Variants in ARID1A observed in about 807,000 individuals in gnomAD.
The protein encoded by ARID1A is AT-rich interactive domain-containing protein 1A.
In ARID1A, 20 loss-of-function variants were observed where a neutral mutation model predicts 212.6. The ratio of observed to expected loss-of-function variants is 0.09; its 90% CI spans 0.07 to 0.14. ARID1A has a LOEUF of 0.14. Ranked by LOEUF, ARID1A falls within the 10% of genes least tolerant of loss-of-function variation. The pLI is 1.00. For synonymous variants in ARID1A, 1,376 were observed against 1,222.1 expected (o/e 1.13, Z -2.63); for missense variants, 2,587 against 3,059.0 (o/e 0.85, Z 3.64).
intron 1 of ARID1A, among the ~76,000 whole-genome samples, chr1:26,703,623 G>A (rs2080359771): frequency 6.6e-6 from 1 of 152,172 alleles, no homozygotes; most frequent in South Asian, 2.1e-4. Flanking sequence ...AACTTGGATT[G>A]GCACTGACAT....
At chr1:26,720,559 A>G (rs1017222499) in intron 1 of ARID1A, among the ~76,000 whole-genome samples, 3 of 151,994 alleles carry the variant, frequency 2.0e-5, no homozygotes, top group Non-Finnish European at 2.9e-5. Context: ...CCCAGACTGG[A>G]TACGAGACTC....
Position 26,780,945 on chromosome 1 carries a change from C to G in ARID1A, c.*189C>G. On this transcript the variant is annotated 3_prime_UTR_variant, in exon 20 of 20. Coordinates refer to ENST00000324856, the MANE Select transcript of ARID1A (RefSeq NM_006015.6). This position sits in a 1 kb window ranked among gnomAD's most constrained non-coding sequence, Gnocchi z 7.2. Reference sequence around the variant, plus strand: ...TCCACCTCCCCTCCCTCCATCACCTCACGCCTTTCTGTTCCTTGTCCTCAC... The same window carrying G: ...TCCACCTCCCCTCCCTCCATCACCTGACGCCTTTCTGTTCCTTGTCCTCAC... 1.3e-6 allele frequency: 1 copy of G among 774,376 alleles called. No individual in the cohort carries two copies. Among genetic ancestry groups the G allele is most frequent in the East Asian group, 2.8e-5 (1 of 36,190 alleles). The allele number at this position is 774,376 out of a possible 1,614,324, so 48.0% of individuals were successfully genotyped here.
At chr1:26,737,611 A>C (rs1305408018) in intron 4 of ARID1A, among the ~76,000 whole-genome samples, 2 of 152,102 alleles carry the variant, frequency 1.3e-5, no homozygotes, top group Admixed American at 1.3e-4. Flanking sequence ...CACGCTTGTA[A>C]TCCCGGCACT....
intron 4 of ARID1A, among the ~76,000 whole-genome samples, chr1:26,749,869 T>C (rs944203615): frequency 6.6e-6 from 1 of 152,190 alleles, no homozygotes; most frequent in African/African-American, 2.4e-5. Flanking sequence ...AGCCCCTCCC[T>C]TGTGGAGGTC....
chr1:26,774,047 C>A lies in ARID1A; in HGVS notation c.4101+149C>A. On this transcript the variant is annotated intron_variant, in intron 17 of 19. Coordinates refer to ENST00000324856, the MANE Select transcript of ARID1A (RefSeq NM_006015.6). The surrounding 1 kb of genome is among the most constrained non-coding windows in gnomAD (Gnocchi z 5.6). ...TGACTGGCCAGTCCTGCCTGAAGAG[C>A]CACGTCCTCAATCTCTTCTCTATTT... 2 of 1,114,854 alleles carry A rather than the reference C, an allele frequency of 1.8e-6. No homozygotes were observed. The highest frequency in any genetic ancestry group is 2.6e-6 in the Non-Finnish European group (2 of 783,756). The allele number at this position is 1,114,854 out of a possible 1,614,324, so 69.1% of individuals were successfully genotyped here. A position where few individuals can be genotyped will look rare whatever the true frequency, so the allele number is the denominator to read the frequency against.
At chr1:26,700,911 A>T (rs968978942) in intron 1 of ARID1A, among the ~76,000 whole-genome samples, 5 of 152,126 alleles carry the variant, frequency 3.3e-5, no homozygotes, top group African/African-American at 1.2e-4. Context: ...GAGGATTGAG[A>T]TGGTGGTGTG....
At chr1:26,739,489 T>C (rs1199414466) in intron 4 of ARID1A, among the ~76,000 whole-genome samples, 2 of 152,056 alleles carry the variant, frequency 1.3e-5, no homozygotes, top group African/African-American at 4.8e-5. Flanking sequence ...CTGAAGTAGG[T>C]AGTCACCTTT....
chr1:26,747,776 G>T (rs959019691), intron 4 of ARID1A, among the ~76,000 whole-genome samples: 2 of 152,108 alleles, frequency 1.3e-5, no homozygotes, highest in Non-Finnish European at 2.9e-5. Flanking sequence ...CTTGAGCCCA[G>T]GAGTTTGAGG....
intron 1 of ARID1A, among the ~76,000 whole-genome samples, chr1:26,698,512 G>A (rs937507713): frequency 4.6e-5 from 7 of 152,208 alleles, no homozygotes; most frequent in Admixed American, 3.3e-4. Context: ...CAGACAGCCT[G>A]CCCTTGTTAC....
rs1489685103 is a variant in ARID1A, at chr1:26,782,015, T to C, written c.*1259T>C. The stretch of plus-strand genomic sequence containing the variant: ...TGTAAATTCCTCCTTTTTTTCCTTT[T>C]TTGGCTTAATGAATATCATTTATTC... On this transcript the variant is annotated 3_prime_UTR_variant, in exon 20 of 20. Coordinates refer to ENST00000324856, the MANE Select transcript of ARID1A (RefSeq NM_006015.6). 4.3e-6 allele frequency: 1 copy of C among 232,834 alleles called. No individual in the cohort carries two copies. The highest frequency in any genetic ancestry group is 8.5e-6 in the Non-Finnish European group (1 of 117,654). 14.4% of individuals were successfully genotyped at this position (232,834 alleles called of 1,614,324 possible). A position where few individuals can be genotyped will look rare whatever the true frequency, so the allele number is the denominator to read the frequency against.
In ARID1A at chr1:26,696,181, G is replaced by A. The variant is rs2080248197; in HGVS notation, c.-223G>A. 1 of 613,682 alleles carries A rather than the reference G, an allele frequency of 1.6e-6. No individual in the cohort carries two copies. The highest frequency in any genetic ancestry group is 2.2e-6 in the Non-Finnish European group (1 of 451,826). The allele number at this position is 613,682 out of a possible 1,614,324, so 38.0% of individuals were successfully genotyped here. ...GGAGCAGCTGAGCCGCCGGCGCCTC[G>A]GCCGCCGCCGCCGCCTCCTCCTCCT... On this transcript the variant is annotated 5_prime_UTR_variant, in exon 1 of 20. Transcript: ENST00000324856.
chr1:26,730,906 G>A (rs555529698), intron 2 of ARID1A, among the ~76,000 whole-genome samples: 3 of 152,276 alleles, frequency 2.0e-5, no homozygotes, highest in African/African-American at 7.2e-5. Context: ...TGCCCAAATA[G>A]TAAATAGTGT....
At chr1:26,706,046 A>T (rs2124755983) in intron 1 of ARID1A, among the ~76,000 whole-genome samples, 1 of 152,308 alleles carries the variant, frequency 6.6e-6, no homozygotes, top group Middle Eastern at 3.4e-3. Context: ...CCAGGAAGTT[A>T]TGTTGATATA....
chr1:26,697,427 G>A lies in ARID1A; in HGVS notation c.1024G>A (p.Ala342Thr). 1.5e-6 allele frequency: 2 copies of A among 1,350,580 alleles called. No individual in the cohort carries two copies. Among genetic ancestry groups the A allele is most frequent in the Non-Finnish European group, 1.9e-6 (2 of 1,062,258 alleles). The allele number at this position is 1,350,580 out of a possible 1,614,324, so 83.7% of individuals were successfully genotyped here. A position where few individuals can be genotyped will look rare whatever the true frequency, so the allele number is the denominator to read the frequency against. ...CTCGCAGTGTTGGGGGGCTGCGGCG[G>A]CGGCAGCTGCGGCGGCGGCCGCCTC... ...MASQCWGAAAAAAAAAAASGG... is the reference protein window; with the variant it reads ...MASQCWGAAATAAAAAAASGG... The change falls in exon 1 of 20, where the codon GCG becomes ACG. Residue 342 changes from alanine (A) to threonine (T), a missense_variant. By Grantham distance (58) the Ala-to-Thr change is moderately conservative (BLOSUM62 0). Transcript: ENST00000324856.
In ARID1A at chr1:26,781,184, A is replaced by ATAC. The variant is rs2081191473; in HGVS notation, c.*428_*429insTAC. 4.2e-6 allele frequency: 1 copy of ATAC among 240,362 alleles called. No individual in the cohort carries two copies. The highest frequency in any genetic ancestry group is 2.2e-5 in the African/African-American group (1 of 45,436). The allele number at this position is 240,362 out of a possible 1,614,324, so 14.9% of individuals were successfully genotyped here. A position where few individuals can be genotyped will look rare whatever the true frequency, so the allele number is the denominator to read the frequency against. On this transcript the variant is annotated 3_prime_UTR_variant, in exon 20 of 20. Coordinates refer to ENST00000324856, the MANE Select transcript of ARID1A (RefSeq NM_006015.6). Reference sequence around the variant, plus strand: ...TAAAAAAAAAAAAAAAAAATACAAAAAAAAATTCTGAAGGACAAAAAAGGT... The same window carrying ATAC: ...TAAAAAAAAAAAAAAAAAATACAAAATACAAAAATTCTGAAGGACAAAAAAGGT...
At chr1:26,707,961 G>A (rs756604710) in intron 1 of ARID1A, among the ~76,000 whole-genome samples, 6 of 152,162 alleles carry the variant, frequency 3.9e-5, no homozygotes, top group Non-Finnish European at 8.8e-5. Context: ...CACCAAGATT[G>A]TTTAGGACAT....
At chr1:26,741,179 A>G (rs2080784149) in intron 4 of ARID1A, among the ~76,000 whole-genome samples, 1 of 152,206 alleles carries the variant, frequency 6.6e-6, no homozygotes, top group African/African-American at 2.4e-5. Context: ...GCCGGAGGCC[A>G]TCAGGTAGAA....
At chr1:26,735,714 A>G (rs2080722926) in intron 4 of ARID1A, among the ~76,000 whole-genome samples, 1 of 152,184 alleles carries the variant, frequency 6.6e-6, no homozygotes, top group Non-Finnish European at 1.5e-5. Context: ...GTGCATTTCT[A>G]ACAAGTTCCT....
At chr1:26,710,333 T>G (rs1570554965) in intron 1 of ARID1A, among the ~76,000 whole-genome samples, 1 of 150,092 alleles carries the variant, frequency 6.7e-6, no homozygotes, top group Non-Finnish European at 1.5e-5. Context: ...ACTTGGGAGG[T>G]TGAGGCAGGA....
Sources: gnomAD v4.1 joint callset for allele counts (sites outside exome capture counted in the v4.1 genomes callset) on GRCh38, gnomAD v4.1.1 for gene constraint, Gnocchi (gnomAD v3.1) non-coding constraint, MANE v1.5 for transcripts, NCBI Gene and HGNC (gene_info 2026-07-23, HGNC 2026-07-21) for gene names.